The following UIMC1 variants were observed in gnomAD, a reference collection of about 807,000 sequenced individuals.
UIMC1 encodes ubiquitin interaction motif containing 1.
A neutral mutation model predicts 84.9 loss-of-function variants in UIMC1; 42 were observed. That is an observed-to-expected ratio of 0.49 (90% CI 0.39 to 0.64). UIMC1 has a LOEUF of 0.64. Among genes scored for constraint, UIMC1 ranks in the 30% least tolerant of loss-of-function variants. The pLI is 0.00. For synonymous variants in UIMC1, 281 were observed against 293.0 expected (o/e 0.96, Z 0.42); for missense variants, 825 against 847.6 (o/e 0.97, Z 0.33).
At chr5:177,021,551 C>G (rs1393909980) in intron 1 of UIMC1, among the ~76,000 whole-genome samples, 1 of 152,088 alleles carries the variant, frequency 6.6e-6, no homozygotes, top group Non-Finnish European at 1.5e-5. Context: ...GCCTGGATAA[C>G]TGGGACAGGA....
chr5:176,979,337 A>G (rs1182805432), intron 2 of UIMC1, among the ~76,000 whole-genome samples: 1 of 152,174 alleles, frequency 6.6e-6, no homozygotes, highest in Non-Finnish European at 1.5e-5. Context: ...GGTGGAAAAG[A>G]GCTGGGTGCG....
At chr5:176,968,502 T>C in intron 6 of UIMC1, 53 bp downstream of exon 6, 1 of 1,529,538 alleles carries the variant, frequency 6.5e-7, no homozygotes, top group Non-Finnish European at 8.7e-7. Context: ...AAAATAATCC[T>C]TGTTTTAATC....
At chr5:177,012,258 C>T (rs181734966) in intron 1 of UIMC1, among the ~76,000 whole-genome samples, 1 of 152,280 alleles carries the variant, frequency 6.6e-6, no homozygotes, top group East Asian at 1.9e-4. Flanking sequence ...TGATCTTCCC[C>T]TCAAAATCTG....
At chr5:176,955,863 T>A in intron 8 of UIMC1, 96 bp downstream of exon 8, 1 of 1,181,034 alleles carries the variant, frequency 8.5e-7, no homozygotes, top group Non-Finnish European at 1.2e-6. Flanking sequence ...CATACAAACC[T>A]CCAGAGAGTA....
At chr5:176,941,721 A>G (rs922964696) in intron 10 of UIMC1, among the ~76,000 whole-genome samples, 2 of 152,224 alleles carry the variant, frequency 1.3e-5, no homozygotes, top group Non-Finnish European at 1.5e-5. Context: ...CTGTGCTGAC[A>G]TGACTATATT....
intron 6 of UIMC1, among the ~76,000 whole-genome samples, chr5:176,967,542 T>C (rs567070021): frequency 2.0e-5 from 3 of 152,294 alleles, no homozygotes; most frequent in Admixed American, 1.3e-4. Flanking sequence ...TTTTTACTTA[T>C]ATATTTTTGA....
rs1261459499 is a variant in UIMC1, at chr5:176,908,588, C to G, written c.1783G>C (p.Glu595Gln). 1 of 1,614,186 alleles carries G rather than the reference C, an allele frequency of 6.2e-7. No individual in the cohort carries two copies. Among genetic ancestry groups the G allele is most frequent in the Admixed American group, 1.7e-5 (1 of 60,022 alleles). The change falls in exon 12 of 15, where the codon GAA becomes CAA. Residue 595 changes from glutamate to glutamine, a missense_variant. Physicochemically the swap from Glu to Gln is conservative, Grantham distance 29. Transcript: ENST00000511320. ...LAKADQGDGP[E>Q]GSGRACSTVE... ...GTTGAACATGCTCTTCCACTCCCTT[C>G]AGGTCCATCTCCTTGGTCAGCCTTT...
chr5:176,905,589 T>C, intron 14 of UIMC1, 97 bp from the exon 15 acceptor site: 9 of 1,102,840 alleles, frequency 8.2e-6, no homozygotes, highest in Non-Finnish European at 1.2e-5. Flanking sequence ...ATCAGGGGAT[T>C]ATTAGTACAA....
intron 10 of UIMC1, among the ~76,000 whole-genome samples, chr5:176,937,452 C>T (rs1003884139): frequency 6.6e-6 from 1 of 152,152 alleles, no homozygotes; most frequent in African/African-American, 2.4e-5. Flanking sequence ...GAGATCGTGC[C>T]ACTGCACTCC....
At chr5:176,913,282 T>C (rs527652576) in intron 10 of UIMC1, among the ~76,000 whole-genome samples, 6 of 152,184 alleles carry the variant, frequency 3.9e-5, no homozygotes, top group Admixed American at 2.6e-4. Context: ...ACCCTCCAGA[T>C]TGGTATTATT....
At chr5:177,005,751 AC>A (rs1182889282) in intron 1 of UIMC1, among the ~76,000 whole-genome samples, 3 of 151,714 alleles carry the variant, frequency 2.0e-5, no homozygotes, top group Non-Finnish European at 4.4e-5. Flanking sequence ...TAAACTTTTC[AC>A]TTTTTCCGGG....
At position 176,911,267 on chromosome 5, in the gene UIMC1, G is replaced by A. The variant is rs1760175583; in HGVS notation, c.1676+44C>T. 3 of 1,488,634 alleles carry A rather than the reference G, an allele frequency of 2.0e-6. No individual in the cohort carries two copies. In the South Asian group the frequency reaches 4.1e-5, roughly 20 times the overall value. The allele number at this position is 1,488,634 out of a possible 1,614,324, so 92.2% of individuals were successfully genotyped here. ...GGTCTTTTTATTCAGTCCAAACGATGGTATGTTATACAAGAGCTCCGTGAA... is the reference window on the plus strand; with the variant it reads ...GGTCTTTTTATTCAGTCCAAACGATAGTATGTTATACAAGAGCTCCGTGAA... On this transcript the variant is annotated intron_variant, in intron 11 of 14. Transcript: ENST00000511320.
At chr5:176,917,375 C>G (rs1761129189) in intron 10 of UIMC1, among the ~76,000 whole-genome samples, 1 of 152,064 alleles carries the variant, frequency 6.6e-6, no homozygotes, top group South Asian at 2.1e-4. Context: ...AGTTCCAGAC[C>G]AGCCTGGCCA....
intron 4 of UIMC1, 147 bp downstream of exon 4, chr5:176,970,595 C>A (rs753009188): frequency 7.7e-7 from 1 of 1,301,648 alleles, no homozygotes; most frequent in South Asian, 1.2e-5. Context: ...CAATTCAACA[C>A]AGACTTTAAA....
upstream of UIMC1, among the ~76,000 whole-genome samples, chr5:177,011,278 A>G (rs1428339815): frequency 1.3e-5 from 2 of 152,060 alleles, no homozygotes; most frequent in East Asian, 3.9e-4. Flanking sequence ...AGTGATACAT[A>G]CCAGTAGTCC....
intron 14 of UIMC1, 75 bp downstream of exon 14, chr5:176,905,936 C>A (rs757224854): frequency 6.7e-7 from 1 of 1,493,532 alleles, no homozygotes; most frequent in Non-Finnish European, 9.3e-7. Context: ...TATCACACTA[C>A]ACACAGAACA....
chr5:176,919,329 T>C (rs1761418022), intron 10 of UIMC1: 1 of 169,560 alleles, frequency 5.9e-6, no homozygotes, highest in African/African-American at 2.4e-5. Flanking sequence ...AAATATTTTC[T>C]CCTATTCTGT....
intron 1 of UIMC1, among the ~76,000 whole-genome samples, chr5:177,021,813 G>A (rs1460113777): frequency 1.3e-5 from 2 of 152,164 alleles, no homozygotes; most frequent in Non-Finnish European, 2.9e-5. Flanking sequence ...CACCACACCC[G>A]TCTAATTTTG....
Position 176,975,475 on chromosome 5 carries a change from T to C in UIMC1, c.153A>G (p.Pro51=). 6.2e-7 allele frequency: 1 copy of C among 1,614,088 alleles called. No homozygotes were observed. The highest frequency in any genetic ancestry group is 1.3e-5 in the African/African-American group (1 of 75,052). The change falls in exon 3 of 15, where the codon CCA becomes CCG. Residue 51 remains proline (P), a synonymous_variant. Coordinates refer to ENST00000511320, the MANE Select transcript of UIMC1 (RefSeq NM_001199298.2). ...TTTTCTGCAACCCATTTTCCTCCTT[T>C]GGTTCCTGTTGCAAAACAAGAAATA... ...IVISDSDGEE[P]KEENGLQKTK... is the part of the protein sequence containing the mutation.
Sources: allele counts gnomAD v4.1 joint callset (sites outside exome capture counted in the v4.1 genomes callset), GRCh38; gene constraint gnomAD v4.1.1; transcripts MANE v1.5; gene names NCBI Gene and HGNC (gene_info 2026-07-23, HGNC 2026-07-21).